Variants in TMIGD3 observed in about 807,000 individuals in gnomAD.
TMIGD3 encodes transmembrane and immunoglobulin domain containing 3.
In TMIGD3, 21 loss-of-function variants were observed where a neutral mutation model predicts 28.1. The observed-to-expected ratio is 0.75, with a 90% CI of 0.53 to 1.08. The LOEUF is 1.08. Among genes scored for constraint, TMIGD3 ranks in the 50% least tolerant of loss-of-function variants. TMIGD3 has a pLI of 0.00. For missense variants in TMIGD3, 416 were observed against 435.6 expected, an observed-to-expected ratio of 0.96 and a Z score of 0.40; for synonymous variants, 151 against 162.1, an observed-to-expected ratio of 0.93 and a Z score of 0.52.
At chr1:111,543,506 A>G (rs1264475602) in intron 1 of TMIGD3, among the ~76,000 whole-genome samples, 1 of 152,168 alleles carries the variant, frequency 6.6e-6, no homozygotes, top group Non-Finnish European at 1.5e-5. Context: ...GAGAGTATTC[A>G]CCAAAATGTT....
At chr1:111,556,129 C>T (rs1354113651) in intron 1 of TMIGD3, among the ~76,000 whole-genome samples, 1 of 152,024 alleles carries the variant, frequency 6.6e-6, no homozygotes, top group African/African-American at 2.4e-5. Flanking sequence ...AACGTTTCTC[C>T]AAAGAGATAT....
At chr1:111,489,317 G>T in intron 2 of TMIGD3, 1 of 371,446 alleles carries the variant, frequency 2.7e-6, no homozygotes, top group Non-Finnish European at 4.9e-6. Flanking sequence ...CAATTCAGCT[G>T]ATGTCCTTAT....
intron 1 of TMIGD3, chr1:111,500,324 C>A: frequency 6.2e-7 from 1 of 1,614,158 alleles, no homozygotes; most frequent in Non-Finnish European, 8.5e-7. Context: ...AGATAGATGG[C>A]GCACATGACA....
In TMIGD3 at chr1:111,488,921, C is replaced by G; in HGVS notation, c.561G>C (p.Trp187Cys). ...AGTAGTCACGGAAATAGCCTCGGCA[C>G]CAGTATTTGGGGTGATTCTTGTAGT... ...NAHYKNHPKY[W>C]CRGYFRDYCN... The change falls in exon 3 of 6, where the codon TGG becomes TGC. Residue 187 changes from tryptophan to cysteine, a missense_variant. By Grantham distance (215) the Trp-to-Cys change is radical. Coordinates refer to ENST00000369716, the MANE Select transcript of TMIGD3 (RefSeq NM_020683.7). The G allele has an allele frequency of 1.2e-6, 2 of 1,614,146 alleles. No homozygotes were observed. Among genetic ancestry groups the G allele is most frequent in the Non-Finnish European group, 1.7e-6 (2 of 1,180,028 alleles).
intron 4 of TMIGD3, 93 bp from the exon 5 acceptor site, chr1:111,485,933 GC>G: frequency 1.1e-6 from 1 of 942,784 alleles, no homozygotes; most frequent in Non-Finnish European, 1.6e-6. Context: ...TTGCACCCCT[GC>G]CCACCCCCCA....
chr1:111,546,138 G>A (rs928136018), intron 1 of TMIGD3, among the ~76,000 whole-genome samples: 4 of 152,138 alleles, frequency 2.6e-5, no homozygotes, highest in African/African-American at 9.6e-5. Flanking sequence ...GGATCTGCTT[G>A]TCCATTTCTG....
Position 111,485,725 on chromosome 1 carries a change from A to AAAAAAAAAAAATAACC in TMIGD3, c.973+14_973+15insGGTTATTTTTTTTTTT. 1.4e-6 allele frequency: 2 copies of AAAAAAAAAAAATAACC among 1,419,108 alleles called. No individual in the cohort carries two copies. The highest frequency in any genetic ancestry group is 2.0e-6 in the Non-Finnish European group (2 of 1,022,712). The allele number at this position is 1,419,108 out of a possible 1,614,324, so 87.9% of individuals were successfully genotyped here. Reference sequence around the variant, plus strand: ...TAATTCTTGCCCACCCCCTCCCTCAACAATAGCTACTTACCCCTTCTATTC... The same window carrying AAAAAAAAAAAATAACC: ...TAATTCTTGCCCACCCCCTCCCTCAAAAAAAAAAAAATAACCCAATAGCTACTTACCCCTTCTATTC... On this transcript the variant is annotated intron_variant, in intron 5 of 5. Coordinates refer to ENST00000369716, the MANE Select transcript of TMIGD3 (RefSeq NM_020683.7).
chr1:111,548,089 C>T (rs551312377), intron 1 of TMIGD3, among the ~76,000 whole-genome samples: 3 of 152,292 alleles, frequency 2.0e-5, no homozygotes, highest in African/African-American at 7.2e-5. Context: ...GGCACAATCT[C>T]GGCTCACTGC....
At chr1:111,547,376 T>C (rs1222337014) in intron 1 of TMIGD3, among the ~76,000 whole-genome samples, 2 of 152,184 alleles carry the variant, frequency 1.3e-5, no homozygotes, top group East Asian at 3.9e-4. Flanking sequence ...ATCCTATTAA[T>C]ATTATATTGA....
intron 3 of TMIGD3, among the ~76,000 whole-genome samples, chr1:111,487,656 C>G (rs571494459): frequency 2.0e-5 from 3 of 152,220 alleles, no homozygotes; most frequent in African/African-American, 7.2e-5. Flanking sequence ...TAGCTCCAGC[C>G]AAGAGTTGTA....
intron 1 of TMIGD3, among the ~76,000 whole-genome samples, chr1:111,558,773 C>CA (rs1022871546): frequency 6.6e-6 from 1 of 151,992 alleles, no homozygotes; most frequent in Middle Eastern, 3.2e-3. Context: ...GACAAACTTA[C>CA]AAAAAAATTG....
Position 111,497,801 on chromosome 1 carries a change from T to C in TMIGD3, c.350+5204A>G, listed in dbSNP as rs571561107. Among the ~76,000 whole-genome samples the C allele has an allele frequency of 5.3e-5, 8 of 152,290 alleles. No individual in the cohort carries two copies. In the South Asian group the frequency reaches 1.7e-3, roughly 32 times the overall value. On this transcript the variant is annotated intron_variant, in intron 1 of 5. Coordinates refer to ENST00000369716, the MANE Select transcript of TMIGD3 (RefSeq NM_020683.7). Reference sequence around the variant, plus strand: ...TCTTGAGGGAAGTGGTCCATTTAAATCAAGTTTTAAAAAACAGGGCAGTGT... The same window carrying C: ...TCTTGAGGGAAGTGGTCCATTTAAACCAAGTTTTAAAAAACAGGGCAGTGT...
upstream of TMIGD3, chr1:111,504,761 A>C: frequency 1.5e-6 from 1 of 660,024 alleles, no homozygotes; most frequent in Non-Finnish European, 1.9e-6. Context: ...CCTGGGGCTC[A>C]TCAGGGTCCT....
intron 1 of TMIGD3, among the ~76,000 whole-genome samples, chr1:111,549,773 C>A (rs1249122411): frequency 6.6e-6 from 1 of 152,154 alleles, no homozygotes; most frequent in Non-Finnish European, 1.5e-5. Flanking sequence ...TGCAGCCCCC[C>A]ATGTATCTAG....
chr1:111,488,561 C>G, intron 3 of TMIGD3, 116 bp downstream of exon 3: 1 of 923,846 alleles, frequency 1.1e-6, no homozygotes, highest in Non-Finnish European at 1.6e-6. Flanking sequence ...CAGGCAGGCC[C>G]AAAGTACCCA....
chr1:111,503,388 G>T lies in TMIGD3; in HGVS notation c.-34C>A, dbSNP rs777590002. 11 of 1,574,528 alleles carry T rather than the reference G, an allele frequency of 7.0e-6. No homozygotes were observed. In the Middle Eastern group the frequency reaches 5.0e-4, roughly 72 times the overall value. ...CCCAGGGGAACCTCCACAGGGACAG[G>T]TGAGCCAGCAAGATCCGTCTGTAGG... is the stretch of plus-strand genomic sequence containing the variant. On this transcript the variant is annotated 5_prime_UTR_variant, in exon 1 of 6. Transcript: ENST00000369716.
chr1:111,547,846 A>G (rs1237937628), intron 1 of TMIGD3, among the ~76,000 whole-genome samples: 1 of 152,204 alleles, frequency 6.6e-6, no homozygotes, highest in African/African-American at 2.4e-5. Flanking sequence ...TTTTTCTGCT[A>G]AAGCTTTGTC....
upstream of TMIGD3, among the ~76,000 whole-genome samples, chr1:111,506,503 A>G (rs181259508): frequency 6.6e-6 from 1 of 152,364 alleles, no homozygotes; most frequent in East Asian, 1.9e-4. Context: ...CAAAGTTGTA[A>G]GCTAGGCAGT....
At chr1:111,550,948 T>C (rs1229392516) in intron 1 of TMIGD3, among the ~76,000 whole-genome samples, 4 of 149,716 alleles carry the variant, frequency 2.7e-5, no homozygotes, top group Non-Finnish European at 4.5e-5. Flanking sequence ...TATATCTTCA[T>C]AGTGGAGTGA....
Sources: gnomAD v4.1 joint callset for allele counts (sites outside exome capture counted in the v4.1 genomes callset) on GRCh38, gnomAD v4.1.1 for gene constraint, MANE v1.5 for transcripts, NCBI Gene and HGNC (gene_info 2026-07-23, HGNC 2026-07-21) for gene names.